The following BANP variants were observed in gnomAD, a reference collection of about 807,000 sequenced individuals.
BANP encodes the protein BTG3 associated nuclear protein.
BANP carries 11 observed loss-of-function variants against 68.1 expected under a neutral mutation model. The observed-to-expected ratio is 0.16, with a 90% confidence interval of 0.10 to 0.27. The LOEUF (loss-of-function observed/expected upper bound fraction) is 0.27, where lower values mean the gene tolerates loss of function less well. Among genes scored for constraint, BANP ranks in the 10% least tolerant of loss-of-function variants. BANP has a pLI of 1.00. For synonymous variants in BANP, 329 were observed against 303.2 expected, an observed-to-expected ratio of 1.09 and a Z score of -0.88; for missense variants, 504 against 722.7, an observed-to-expected ratio of 0.70 and a Z score of 3.47.
At chr16:88,054,557 C>T (rs1010330164) in intron 11 of BANP, among the ~76,000 whole-genome samples, 1 of 152,240 alleles carries the variant, frequency 6.6e-6, no homozygotes, top group African/African-American at 2.4e-5. Context: ...CCGCCACCCC[C>T]ACCACTCCCA....
intron 6 of BANP, among the ~76,000 whole-genome samples, chr16:88,009,889 A>G (rs547627073): frequency 6.6e-6 from 1 of 151,896 alleles, no homozygotes; most frequent in South Asian, 2.1e-4. Flanking sequence ...TCATTAGAAT[A>G]AGAGGGACTG....
intron 8 of BANP, among the ~76,000 whole-genome samples, chr16:88,028,734 C>T (rs1033095677): frequency 1.3e-5 from 2 of 152,146 alleles, no homozygotes; most frequent in East Asian, 3.8e-4. Context: ...TATTGAAATG[C>T]GGCTGTAGGA....
chr16:88,071,670 T>G lies in BANP; in HGVS notation c.1378-399T>G. On this transcript the variant is annotated intron_variant, in intron 12 of 13. Transcript: ENST00000682872. This position sits in a 1 kb window ranked among gnomAD's most constrained non-coding sequence, Gnocchi z 6.5. ...CTCACGCTCACGGTCCTGGCTTGGA[T>G]TTTAGGCCTCAGTGGCACTCTGGGA... 1.5e-5 allele frequency: 7 copies of G among 472,590 alleles called. No homozygotes were observed. Among genetic ancestry groups the G allele is most frequent in the Non-Finnish European group, 2.1e-5 (5 of 237,858 alleles). The allele number at this position is 472,590 out of a possible 1,614,324, so 29.3% of individuals were successfully genotyped here.
At chr16:87,967,405 G>A (rs529814070) in intron 1 of BANP, among the ~76,000 whole-genome samples, 123 of 151,812 alleles carry the variant, frequency 8.1e-4, no homozygotes, top group African/African-American at 2.6e-3. Context: ...ACCACACTCG[G>A]CCGTCAATAA....
At chr16:88,069,999 A>G (rs1159325479) in intron 12 of BANP, among the ~76,000 whole-genome samples, 1 of 151,934 alleles carries the variant, frequency 6.6e-6, no homozygotes, top group East Asian at 1.9e-4. Flanking sequence ...GGTGAGGACG[A>G]AGGCCAGGAT....
At chr16:87,968,260 G>T (rs1272806767) in intron 1 of BANP, among the ~76,000 whole-genome samples, 1 of 151,110 alleles carries the variant, frequency 6.6e-6, no homozygotes, top group East Asian at 2.0e-4. Context: ...GAGGTGGGTG[G>T]ATCACCTGAG....
chr16:87,961,576 T>G (rs2059164216), intron 1 of BANP, among the ~76,000 whole-genome samples: 1 of 152,222 alleles, frequency 6.6e-6, no homozygotes, highest in African/African-American at 2.4e-5. Flanking sequence ...CATTAGAAAT[T>G]TGTAAAAATG....
At chr16:88,062,595 G>C (rs1189766223) in intron 11 of BANP, among the ~76,000 whole-genome samples, 1 of 152,210 alleles carries the variant, frequency 6.6e-6, no homozygotes, top group African/African-American at 2.4e-5. Flanking sequence ...CTCTTGAGAT[G>C]ACGAGGTGCT....
chr16:88,065,214 G>A, intron 11 of BANP, 53 bp from the exon 12 acceptor site: 1 of 686,668 alleles, frequency 1.5e-6, no homozygotes, highest in Non-Finnish European at 2.6e-6. Context: ...AGCAAGGCAG[G>A]GTTGGTCCTT....
At chr16:88,016,673 A>G (rs1179690931) in intron 6 of BANP, among the ~76,000 whole-genome samples, 1 of 152,194 alleles carries the variant, frequency 6.6e-6, no homozygotes, top group African/African-American at 2.4e-5. Context: ...GCCTTTAGAG[A>G]GCCCTTGCCA....
intron 1 of BANP, among the ~76,000 whole-genome samples, chr16:87,958,471 G>A (rs558791690): frequency 1.4e-4 from 21 of 152,330 alleles, no homozygotes; most frequent in Admixed American, 3.9e-4. Flanking sequence ...GTCTACTAGC[G>A]GGTGGTTATG....
intron 1 of BANP, among the ~76,000 whole-genome samples, chr16:87,959,326 C>CA (rs2058675097): frequency 6.6e-6 from 1 of 152,260 alleles, no homozygotes; most frequent in African/African-American, 2.4e-5. Context: ...ATTCCTGGCT[C>CA]ACAGGCTGCA....
chr16:88,076,406 T>G (rs1018914350), intron 13 of BANP, among the ~76,000 whole-genome samples, 184 bp from the exon 14 acceptor site: 1 of 152,122 alleles, frequency 6.6e-6, no homozygotes, highest in Non-Finnish European at 1.5e-5. Context: ...CGTGGGCGCG[T>G]CGTTCCGCTG....
Position 88,018,852 on chromosome 16 carries a change from TATTACGC to T in BANP, c.895+187_895+193del, listed in dbSNP as rs2075200953. ...GATGAGCTGTTGACCCTGATGTGCTTATTACGCACGGCATGCCCGCACCAAAATACCT... is the reference window on the plus strand; with the variant it reads ...GATGAGCTGTTGACCCTGATGTGCTTACGGCATGCCCGCACCAAAATACCT... On this transcript the variant is annotated intron_variant, in intron 7 of 13. Coordinates refer to ENST00000682872, the MANE Select transcript of BANP (RefSeq NM_001386991.1). This position sits in a 1 kb window ranked among gnomAD's most constrained non-coding sequence, Gnocchi z 7.7. Among the ~76,000 whole-genome samples, 1 of 152,182 alleles carries T rather than the reference TATTACGC, an allele frequency of 6.6e-6. No homozygotes were observed. The highest frequency in any genetic ancestry group is 1.5e-5 in the Non-Finnish European group (1 of 68,032).
chr16:88,049,906 A>G (rs930223853), intron 11 of BANP, among the ~76,000 whole-genome samples: 2 of 152,164 alleles, frequency 1.3e-5, no homozygotes, highest in African/African-American at 4.8e-5. Flanking sequence ...TTTACAGACA[A>G]TTGTTTTCTT....
rs185863331 is a variant in BANP at position 88,051,136 on chromosome 16, C to T, written c.1311+13125C>T. ...TTGACCGCAGCACCCGGGTCCCTCC[C>T]GTGTAGTGGCGGGCCTCGCAGCATG... On this transcript the variant is annotated intron_variant, in intron 11 of 13. Transcript: ENST00000682872. Among the ~76,000 whole-genome samples the T allele has an allele frequency of 4.0e-3, 606 of 152,344 alleles. 2 individuals carry two copies. Among genetic ancestry groups the T allele is most frequent in the African/African-American group, 0.013 (560 of 41,578 alleles).
At chr16:87,959,125 G>C (rs1442957161) in intron 1 of BANP, among the ~76,000 whole-genome samples, 1 of 152,216 alleles carries the variant, frequency 6.6e-6, no homozygotes, top group Non-Finnish European at 1.5e-5. Context: ...TTTTCTGTGA[G>C]GGTCAGAGTG....
At chr16:87,956,696 T>A (rs2144659032) in intron 1 of BANP, 1 of 152,144 alleles carries the variant, frequency 6.6e-6, no homozygotes. Flanking sequence ...CTGCTTTGGT[T>A]GTAGTCGTAG....
At chr16:87,985,618 C>G (rs1479559103) in intron 4 of BANP, among the ~76,000 whole-genome samples, 2 of 152,024 alleles carry the variant, frequency 1.3e-5, no homozygotes, top group East Asian at 3.9e-4. Flanking sequence ...TTAGACTGTC[C>G]TAGCTATAGA....
Sources: allele counts gnomAD v4.1 joint callset (sites outside exome capture counted in the v4.1 genomes callset), GRCh38; gene constraint gnomAD v4.1.1; non-coding constraint Gnocchi (gnomAD v3.1); transcripts MANE v1.5; gene names NCBI Gene and HGNC (gene_info 2026-07-23, HGNC 2026-07-21).